Variants in NELL1 observed in about 807,000 individuals in gnomAD.
NELL1 encodes the protein protein kinase C-binding protein NELL1.
NELL1 carries 76 observed loss-of-function variants against 107.4 expected under a neutral mutation model. That is an observed-to-expected ratio of 0.71 (90% CI 0.59 to 0.86). NELL1 has a LOEUF of 0.86. Ranked by LOEUF, NELL1 falls within the 40% of genes least tolerant of loss-of-function variation. The pLI is 0.00. For missense variants in NELL1, 1,024 were observed against 1,005.5 expected (o/e 1.02, Z -0.25); for synonymous variants, 353 against 341.2 (o/e 1.03, Z -0.38).
intron 12 of NELL1, among the ~76,000 whole-genome samples, chr11:21,039,648 T>C (rs1201489774): frequency 6.6e-6 from 1 of 152,180 alleles, no homozygotes; most frequent in Non-Finnish European, 1.5e-5. Context: ...ATCTTCAATA[T>C]TATTATTGCC....
At chr11:20,746,360 G>C (rs1384249520) in intron 2 of NELL1, among the ~76,000 whole-genome samples, 4 of 152,142 alleles carry the variant, frequency 2.6e-5, no homozygotes, top group African/African-American at 9.7e-5. Flanking sequence ...AGACAGATTT[G>C]GGTTCAAATC....
intron 15 of NELL1, among the ~76,000 whole-genome samples, chr11:21,481,068 A>C (rs78524931): frequency 3.9e-5 from 6 of 152,316 alleles, no homozygotes; most frequent in African/African-American, 1.4e-4. Context: ...GCCATTGTAC[A>C]TATTTAATGA....
chr11:21,019,045 C>T (rs1642964864), intron 12 of NELL1, among the ~76,000 whole-genome samples: 1 of 152,062 alleles, frequency 6.6e-6, no homozygotes, highest in Non-Finnish European at 1.5e-5. Flanking sequence ...CTGCGGATGG[C>T]AGGGAGATAT....
intron 4 of NELL1, among the ~76,000 whole-genome samples, chr11:20,853,817 G>C (rs1485404452): frequency 6.6e-6 from 1 of 152,108 alleles, no homozygotes; most frequent in African/African-American, 2.4e-5. Context: ...GTTTGTCTTT[G>C]AGTTCTCTGG....
chr11:21,485,877 G>A (rs1854617311), intron 15 of NELL1, among the ~76,000 whole-genome samples: 2 of 151,960 alleles, frequency 1.3e-5, no homozygotes, highest in East Asian at 1.9e-4. Context: ...ACATGTGTTG[G>A]CACCTAAACA....
At chr11:20,675,503 C>T (rs1399346306) in intron 1 of NELL1, among the ~76,000 whole-genome samples, 1 of 152,174 alleles carries the variant, frequency 6.6e-6, no homozygotes, top group Non-Finnish European at 1.5e-5. Context: ...GCCATCTGTC[C>T]AGGCCTGTGA....
chr11:21,060,560 T>C (rs1442338467), intron 12 of NELL1, among the ~76,000 whole-genome samples: 2 of 152,176 alleles, frequency 1.3e-5, no homozygotes, highest in Admixed American at 1.3e-4. Context: ...ATATCAGCAT[T>C]CCATTATGTA....
chr11:21,207,585 A>G (rs1298800147), intron 13 of NELL1, among the ~76,000 whole-genome samples: 3 of 152,194 alleles, frequency 2.0e-5, no homozygotes, highest in East Asian at 1.9e-4. Context: ...TGTACAAATA[A>G]TGAAACTAGA....
Position 21,560,171 on chromosome 11 carries a change from G to T in NELL1, c.1787-18G>T, listed in dbSNP as rs1564960755. ...TCCCTTGGCTAGATTCTAAGCTTCT[G>T]TGCTTCCTATATTGCAGACATTGAT... On this transcript the variant is annotated intron_variant, in intron 16 of 19. Coordinates refer to ENST00000357134, the MANE Select transcript of NELL1 (RefSeq NM_006157.5). 1 of 1,612,170 alleles carries T rather than the reference G, an allele frequency of 6.2e-7. No individual in the cohort carries two copies. Among genetic ancestry groups the T allele is most frequent in the Non-Finnish European group, 8.5e-7 (1 of 1,178,556 alleles).
intron 3 of NELL1, among the ~76,000 whole-genome samples, chr11:20,814,704 G>A (rs556087489): frequency 6.6e-6 from 1 of 152,136 alleles, no homozygotes; most frequent in East Asian, 1.9e-4. Flanking sequence ...TCCACTGTTG[G>A]TGGGCACCTA....
chr11:21,453,344 G>A (rs1481929499), intron 15 of NELL1, among the ~76,000 whole-genome samples: 4 of 151,998 alleles, frequency 2.6e-5, no homozygotes, highest in African/African-American at 9.7e-5. Flanking sequence ...ATTGACCTCT[G>A]ATAATTATCT....
intron 13 of NELL1, among the ~76,000 whole-genome samples, chr11:21,171,625 C>T (rs1210674210): frequency 6.6e-6 from 1 of 151,802 alleles, no homozygotes; most frequent in Non-Finnish European, 1.5e-5. Flanking sequence ...TAATCTAAAG[C>T]CACTGAAGCT....
At chr11:20,886,561 A>C (rs1849513009) in intron 5 of NELL1, among the ~76,000 whole-genome samples, 1 of 152,226 alleles carries the variant, frequency 6.6e-6, no homozygotes, top group Admixed American at 6.5e-5. Flanking sequence ...TATCAGTACC[A>C]GAACTTAGAG....
intron 2 of NELL1, among the ~76,000 whole-genome samples, chr11:20,769,049 G>A (rs78351905): frequency 6.6e-6 from 1 of 152,052 alleles, no homozygotes; most frequent in Non-Finnish European, 1.5e-5. Flanking sequence ...TTGCTACATG[G>A]GATAGAGAGA....
At chr11:20,762,354 T>A (rs1856439363) in intron 2 of NELL1, among the ~76,000 whole-genome samples, 8 of 152,194 alleles carry the variant, frequency 5.3e-5, no homozygotes. Flanking sequence ...CTTTGTACAC[T>A]GAGCACGTCT....
chr11:20,933,805 C>T (rs966681045), intron 9 of NELL1, among the ~76,000 whole-genome samples: 1 of 152,180 alleles, frequency 6.6e-6, no homozygotes, highest in Non-Finnish European at 1.5e-5. Flanking sequence ...CCAGAAAAAT[C>T]AAGGTCAAAA....
chr11:21,463,930 G>A (rs1853961260), intron 15 of NELL1, among the ~76,000 whole-genome samples: 1 of 152,030 alleles, frequency 6.6e-6, no homozygotes, highest in Non-Finnish European at 1.5e-5. Context: ...TCTGAAAACT[G>A]GGCTGGGATG....
At chr11:20,801,897 G>A (rs949667646) in intron 3 of NELL1, among the ~76,000 whole-genome samples, 1 of 152,130 alleles carries the variant, frequency 6.6e-6, no homozygotes, top group Non-Finnish European at 1.5e-5. Flanking sequence ...TCCTGTAGAT[G>A]TATGAATTTG....
chr11:20,916,307 G>T (rs929777735), intron 5 of NELL1, among the ~76,000 whole-genome samples: 1 of 151,868 alleles, frequency 6.6e-6, no homozygotes, highest in Non-Finnish European at 1.5e-5. Flanking sequence ...AAGGAGAGAT[G>T]CCCATAGAGG....
Sources: gnomAD v4.1 joint callset for allele counts (sites outside exome capture counted in the v4.1 genomes callset) on GRCh38, gnomAD v4.1.1 for gene constraint, MANE v1.5 for transcripts, NCBI Gene and HGNC (gene_info 2026-07-23, HGNC 2026-07-21) for gene names.